Variants in ABCC8 observed in about 807,000 individuals in gnomAD.
ABCC8 encodes ATP-binding cassette sub-family C member 8.
Under a neutral mutation model 188.0 loss-of-function variants are expected in ABCC8, and 137 were observed. The ratio of observed to expected loss-of-function variants is 0.73; its 90% CI spans 0.63 to 0.84. The LOEUF (loss-of-function observed/expected upper bound fraction) is 0.84. ABCC8 is among the 40% of genes least tolerant of loss of function. The pLI is 0.00. For synonymous variants in ABCC8, 797 were observed against 846.5 expected (o/e 0.94, Z 1.01); for missense variants, 1,750 against 2,072.7 (o/e 0.84, Z 3.02).
At chr11:17,430,389 G>A (rs1355023327) in intron 12 of ABCC8, 1 of 334,950 alleles carries the variant, frequency 3.0e-6, no homozygotes, top group South Asian at 2.5e-5. Flanking sequence ...AAAGGGTAGG[G>A]GATACTTGGC....
intron 2 of ABCC8, among the ~76,000 whole-genome samples, chr11:17,472,756 G>T (rs1217976454): frequency 6.6e-6 from 1 of 152,168 alleles, no homozygotes; most frequent in Non-Finnish European, 1.5e-5. Context: ...CAGCAGGAGG[G>T]CATCCCTGGA....
chr11:17,451,972 CA>C (rs1407576660), intron 7 of ABCC8, among the ~76,000 whole-genome samples: 1 of 152,156 alleles, frequency 6.6e-6, no homozygotes, highest in Non-Finnish European at 1.5e-5. Flanking sequence ...GCTATGGAGA[CA>C]AAAGTCACAA....
intron 22 of ABCC8, 92 bp downstream of exon 22, chr11:17,410,424 T>C: frequency 1.4e-6 from 2 of 1,419,898 alleles, no homozygotes; most frequent in Non-Finnish European, 2.0e-6. Context: ...CCTCAGCAGT[T>C]GCTACCAAGA....
chr11:17,451,445 A>G (rs963086593), intron 7 of ABCC8, among the ~76,000 whole-genome samples: 4 of 152,234 alleles, frequency 2.6e-5, no homozygotes, highest in African/African-American at 9.6e-5. Flanking sequence ...CAGGGTTGCC[A>G]TATATAGCTG....
At chr11:17,432,321 A>C in intron 10 of ABCC8, 77 bp from the exon 11 acceptor site, 1 of 1,551,126 alleles carries the variant, frequency 6.4e-7, no homozygotes, top group Non-Finnish European at 8.7e-7. Flanking sequence ...GATGGCTTGG[A>C]GGCAGCGCAG....
At chr11:17,396,321 G>T in intron 33 of ABCC8, 1 of 372,698 alleles carries the variant, frequency 2.7e-6, no homozygotes, top group Non-Finnish European at 5.1e-6. Context: ...CTACAATGGA[G>T]CCACCTCTGA....
chr11:17,474,788 T>C, intron 2 of ABCC8, 98 bp downstream of exon 2: 6 of 1,339,064 alleles, frequency 4.5e-6, no homozygotes, highest in Non-Finnish European at 5.4e-6. Flanking sequence ...ACAAAAGACA[T>C]GGGCTTGTGG....
At chr11:17,396,161 T>G in intron 33 of ABCC8, 1 of 1,024,752 alleles carries the variant, frequency 9.8e-7, no homozygotes, top group Non-Finnish European at 1.4e-6. Flanking sequence ...GATGTCCATT[T>G]GCCTGGGCCT....
chr11:17,476,562 G>A lies in ABCC8; in HGVS notation c.148+67C>T. On this transcript the variant is annotated intron_variant, in intron 1 of 38. Coordinates refer to ENST00000389817, the MANE Select transcript of ABCC8 (RefSeq NM_000352.6). ...GGAAGGGGACGCCGAGCGGTGCGGC[G>A]CGCAGCGCCTCCTCCTCCCTCCCTG... is the stretch of plus-strand genomic sequence containing the variant. The A allele has an allele frequency of 1.9e-6, 3 of 1,561,110 alleles. 1 individual carries two copies. The South Asian group carries it at 3.5e-5, about 18-fold the overall frequency.
chr11:17,393,748 G>A lies in ABCC8; in HGVS notation c.4557C>T (p.Leu1519=). 1.2e-6 allele frequency: 2 copies of A among 1,614,156 alleles called. No homozygotes were observed. Among genetic ancestry groups the A allele is most frequent in the Non-Finnish European group, 1.7e-6 (2 of 1,179,976 alleles). ...ASIDMATENI[L]QKVVMTAFAD... ...CGAAGGCTGTCATCACCACCTTTTG[G>A]AGGATGTTTTCCTGCCAAGTGGGGG... is the stretch of plus-strand genomic sequence containing the variant. The change falls in exon 38 of 39, where the codon CTC becomes CTT. Residue 1519 remains leucine, a synonymous_variant. Transcript: ENST00000389817.
intron 10 of ABCC8, among the ~76,000 whole-genome samples, chr11:17,439,457 G>A (rs953826931): frequency 3.3e-5 from 5 of 152,086 alleles, no homozygotes; most frequent in Admixed American, 6.6e-5. Flanking sequence ...AACAAGAGAT[G>A]CCCCATTACC....
rs374759317 is a variant in ABCC8, at chr11:17,432,274, T to G, written c.1631-30A>C. ...AGAGGAAGCACAGGGAGGCGTTTAG[T>G]GGGAGGAGCGTGACAGCTACACATG... On this transcript the variant is annotated intron_variant, in intron 10 of 38. Transcript: ENST00000389817. The G allele has an allele frequency of 3.2e-6, 5 of 1,551,626 alleles. No individual in the cohort carries two copies. In the South Asian group the frequency reaches 5.9e-5, roughly 18 times the overall value.
chr11:17,443,082 A>G, intron 9 of ABCC8, 96 bp downstream of exon 9: 2 of 1,538,036 alleles, frequency 1.3e-6, no homozygotes, highest in Non-Finnish European at 1.8e-6. Context: ...AGTCAAAGTC[A>G]AAGTCAATGA....
At chr11:17,434,122 C>G (rs1288050793) in intron 10 of ABCC8, among the ~76,000 whole-genome samples, 5 of 152,164 alleles carry the variant, frequency 3.3e-5, no homozygotes, top group African/African-American at 1.2e-4. Context: ...TCGCCCCTCC[C>G]CTATGGGGTC....
At chr11:17,440,475 C>T (rs1412662150) in intron 10 of ABCC8, among the ~76,000 whole-genome samples, 1 of 152,170 alleles carries the variant, frequency 6.6e-6, no homozygotes, top group Non-Finnish European at 1.5e-5. Flanking sequence ...TTTCCCCTGT[C>T]TATGGAGTGC....
chr11:17,458,414 C>T (rs1426963929), intron 6 of ABCC8, among the ~76,000 whole-genome samples: 2 of 152,254 alleles, frequency 1.3e-5, no homozygotes, highest in Non-Finnish European at 1.5e-5. Flanking sequence ...TTTGGCACGT[C>T]CTGCCTCAGA....
Position 17,408,407 on chromosome 11 carries a change from G to A in ABCC8, c.2805C>T (p.Asp935=). The A allele has an allele frequency of 6.2e-7, 1 of 1,613,478 alleles. No individual in the cohort carries two copies. Among genetic ancestry groups the A allele is most frequent in the Non-Finnish European group, 8.5e-7 (1 of 1,180,000 alleles). The change falls in exon 23 of 39, where the codon GAC becomes GAT. Residue 935 remains aspartate, a synonymous_variant. Coordinates refer to ENST00000389817, the MANE Select transcript of ABCC8 (RefSeq NM_000352.6). ...ATATACCCACCTTCTCCAGCTCTTGGTCCTGTCGGTTCATGAGGGTCTTCC... is the reference window on the plus strand; with the variant it reads ...ATATACCCACCTTCTCCAGCTCTTGATCCTGTCGGTTCATGAGGGTCTTCC... The part of the protein sequence containing the change: ...EHWKTLMNRQ[D]QELEKETVTE...
intron 10 of ABCC8, among the ~76,000 whole-genome samples, chr11:17,440,591 G>C (rs1000780907): frequency 2.6e-5 from 4 of 152,254 alleles, no homozygotes; most frequent in Admixed American, 2.6e-4. Flanking sequence ...CCAGGAAACA[G>C]TGGTTGCCTG....
At position 17,426,408 on chromosome 11, in the gene ABCC8, G is replaced by A. The variant is rs934558940; in HGVS notation, c.2222+641C>T. Reference sequence around the variant, plus strand: ...GGGTGTGAGATGGTATCTCATTGTGGTTTTGATTTTTACATGAATCTTTCA... The same window carrying A: ...GGGTGTGAGATGGTATCTCATTGTGATTTTGATTTTTACATGAATCTTTCA... On this transcript the variant is annotated intron_variant, in intron 16 of 38. Coordinates refer to ENST00000389817, the MANE Select transcript of ABCC8 (RefSeq NM_000352.6). 2.6e-5 allele frequency among the ~76,000 whole-genome samples: 4 copies of A among 152,320 alleles called. No individual in the cohort carries two copies. In the South Asian group the frequency reaches 8.3e-4, roughly 32 times the overall value.
Sources: gnomAD v4.1 joint callset for allele counts (sites outside exome capture counted in the v4.1 genomes callset) on GRCh38, gnomAD v4.1.1 for gene constraint, MANE v1.5 for transcripts, NCBI Gene and HGNC (gene_info 2026-07-23, HGNC 2026-07-21) for gene names.